WASF1: variants seen among roughly 807,000 people sequenced by gnomAD.
WASF1 encodes the protein WASP family member 1.
WASF1 carries 7 observed loss-of-function variants against 50.5 expected under a neutral mutation model. The observed-to-expected ratio is 0.14, with a 90% confidence interval of 0.08 to 0.26. WASF1 has a LOEUF of 0.26. Among genes scored for constraint, WASF1 ranks in the 10% least tolerant of loss-of-function variants. The probability of loss-of-function intolerance (pLI) is 1.00; values close to 1 mark genes in which losing one functional copy is unlikely to be tolerated. For missense variants in WASF1, 470 were observed against 694.7 expected, an observed-to-expected ratio of 0.68 and a Z score of 3.64; for synonymous variants, 205 against 244.0, an observed-to-expected ratio of 0.84 and a Z score of 1.49.
At chr6:110,132,279 T>A (rs192127650) in intron 3 of WASF1, among the ~76,000 whole-genome samples, 5 of 152,176 alleles carry the variant, frequency 3.3e-5, no homozygotes, top group Admixed American at 1.3e-4. Context: ...CACAATCATA[T>A]GTGAATAGTG....
At chr6:110,123,204 G>A (rs899614989) in intron 4 of WASF1, among the ~76,000 whole-genome samples, 1 of 151,940 alleles carries the variant, frequency 6.6e-6, no homozygotes, top group Admixed American at 6.6e-5. Context: ...ATATTAGCTA[G>A]AAATAAATTT....
chr6:110,120,464 G>A (rs992592565), intron 4 of WASF1, among the ~76,000 whole-genome samples: 2 of 152,086 alleles, frequency 1.3e-5, no homozygotes, highest in African/African-American at 4.8e-5. Flanking sequence ...AAATACCTAG[G>A]AATCCAACTT....
chr6:110,168,900 T>C (rs1246437781), intron 2 of WASF1, among the ~76,000 whole-genome samples: 1 of 152,110 alleles, frequency 6.6e-6, no homozygotes, highest in African/African-American at 2.4e-5. Context: ...TCTCCTCTAC[T>C]TTCAAAACCA....
intron 3 of WASF1, among the ~76,000 whole-genome samples, chr6:110,129,725 A>C (rs1774577124): frequency 6.6e-6 from 1 of 152,204 alleles, no homozygotes; most frequent in Non-Finnish European, 1.5e-5. Context: ...GCCTTTGATA[A>C]GTTTTTTTTA....
intron 3 of WASF1, among the ~76,000 whole-genome samples, chr6:110,153,417 G>A (rs1489005454): frequency 1.3e-5 from 2 of 152,042 alleles, no homozygotes; most frequent in African/African-American, 4.8e-5. Flanking sequence ...GACATTTTGA[G>A]TCCAAAAAGA....
chr6:110,117,793 C>T (rs1773880153), intron 4 of WASF1, among the ~76,000 whole-genome samples: 1 of 152,056 alleles, frequency 6.6e-6, no homozygotes, highest in Admixed American at 6.5e-5. Flanking sequence ...AAGGGAAGCC[C>T]ATCAGACTAA....
chr6:110,165,200 T>A (rs942343779), intron 2 of WASF1, among the ~76,000 whole-genome samples: 4 of 151,622 alleles, frequency 2.6e-5, no homozygotes, highest in African/African-American at 9.7e-5. Flanking sequence ...CTTTGAGTGA[T>A]TTATCAACGT....
At chr6:110,121,007 C>A (rs768988491) in intron 4 of WASF1, among the ~76,000 whole-genome samples, 4 of 152,124 alleles carry the variant, frequency 2.6e-5, no homozygotes. Context: ...AAACTAGATC[C>A]CTTCTTTACA....
At chr6:110,147,345 CAAA>C (rs575990346) in intron 3 of WASF1, among the ~76,000 whole-genome samples, 4 of 75,018 alleles carry the variant, frequency 5.3e-5, no homozygotes, top group Non-Finnish European at 5.9e-5. Context: ...GACTCCGTCT[CAAA>C]AAAAAAAAAA....
chr6:110,105,642 T>C lies in WASF1; in HGVS notation c.541-63A>G, dbSNP rs142009731. ...GCGCTAATTTTTAAAAAGGAGGTTA[T>C]AACAATCAAATTAAACTCTAACATC... On this transcript the variant is annotated intron_variant, in intron 7 of 10. Transcript: ENST00000392589. 271 of 1,502,398 alleles carry C rather than the reference T, an allele frequency of 1.8e-4. No individual in the cohort carries two copies. The East Asian group carries it at 4.7e-3, about 26-fold the overall frequency. The allele number at this position is 1,502,398 out of a possible 1,614,324, so 93.1% of individuals were successfully genotyped here. A position where few individuals can be genotyped will look rare whatever the true frequency, so the allele number is the denominator to read the frequency against.
At position 110,107,061 on chromosome 6, in the gene WASF1, T is replaced by A. The variant is rs917672830; in HGVS notation, c.540+16A>T. 6.5e-7 allele frequency: 1 copy of A among 1,550,182 alleles called. No homozygotes were observed. Among genetic ancestry groups the A allele is most frequent in the East Asian group, 2.3e-5 (1 of 44,054 alleles). On this transcript the variant is annotated intron_variant, in intron 7 of 10. Transcript: ENST00000392589. ...TATACAAAAATTAACCTCAATTTTTTAATCTCTTGTAATACCTTCTGCTTC... is the reference window on the plus strand; with the variant it reads ...TATACAAAAATTAACCTCAATTTTTAAATCTCTTGTAATACCTTCTGCTTC...
At chr6:110,173,497 C>A (rs1391525802) in intron 2 of WASF1, among the ~76,000 whole-genome samples, 1 of 152,104 alleles carries the variant, frequency 6.6e-6, no homozygotes, top group Non-Finnish European at 1.5e-5. Flanking sequence ...AATTCCACCT[C>A]CATTTCTATT....
At chr6:110,108,469 A>C in intron 6 of WASF1, 59 bp downstream of exon 6, 1 of 1,497,906 alleles carries the variant, frequency 6.7e-7, no homozygotes, top group Non-Finnish European at 9.1e-7. Flanking sequence ...TTGGGGATTT[A>C]GCATTTCAAT....
At chr6:110,107,012 T>C in intron 7 of WASF1, 65 bp downstream of exon 7, 2 of 1,147,696 alleles carry the variant, frequency 1.7e-6, no homozygotes, top group Non-Finnish European at 2.5e-6. Flanking sequence ...TTAATGAAGT[T>C]CAATATATGC....
At chr6:110,142,291 A>G (rs1223048569) in intron 3 of WASF1, among the ~76,000 whole-genome samples, 1 of 151,866 alleles carries the variant, frequency 6.6e-6, no homozygotes, top group Non-Finnish European at 1.5e-5. Flanking sequence ...GTTTTGAAAT[A>G]TTATCCAAAT....
chr6:110,145,970 C>T (rs1399078539), intron 3 of WASF1, among the ~76,000 whole-genome samples: 2 of 107,654 alleles, frequency 1.9e-5, no homozygotes, highest in East Asian at 5.3e-4. Context: ...CATCACACAC[C>T]GGGGACTGTT....
intron 8 of WASF1, among the ~76,000 whole-genome samples, chr6:110,104,805 C>T (rs1009070503): frequency 1.3e-5 from 2 of 152,090 alleles, no homozygotes; most frequent in East Asian, 1.9e-4. Flanking sequence ...AACAAACAAA[C>T]GTATGACTAT....
chr6:110,173,477 T>A (rs1017244494), intron 2 of WASF1, among the ~76,000 whole-genome samples: 1 of 152,166 alleles, frequency 6.6e-6, no homozygotes, highest in African/African-American at 2.4e-5. Context: ...ATCACACATA[T>A]CTGTGCTCAA....
intron 3 of WASF1, among the ~76,000 whole-genome samples, chr6:110,143,659 C>T (rs1173099798): frequency 1.3e-5 from 2 of 152,040 alleles, no homozygotes; most frequent in Non-Finnish European, 2.9e-5. Flanking sequence ...GAAATAATTA[C>T]ATTAACAGTT....
Sources: allele counts gnomAD v4.1 joint callset (sites outside exome capture counted in the v4.1 genomes callset), GRCh38; gene constraint gnomAD v4.1.1; transcripts MANE v1.5; gene names NCBI Gene and HGNC (gene_info 2026-07-23, HGNC 2026-07-21).